The following ELK3 variants were observed in gnomAD, a reference collection of about 807,000 sequenced individuals.
ELK3 encodes ETS domain-containing protein Elk-3.
A neutral mutation model predicts 28.9 loss-of-function variants in ELK3; 10 were observed. That is an observed-to-expected ratio of 0.35 (90% CI 0.21 to 0.59). The LOEUF (loss-of-function observed/expected upper bound fraction) is 0.59. ELK3 is among the 20% of genes least tolerant of loss of function. The pLI is 0.82. For synonymous variants in ELK3, 272 were observed against 243.5 expected, an observed-to-expected ratio of 1.12 and a Z score of -1.09; for missense variants, 463 against 517.3, an observed-to-expected ratio of 0.90 and a Z score of 1.02.
intron 2 of ELK3, among the ~76,000 whole-genome samples, chr12:96,244,447 ATTTTTTTT>A (rs34067649): frequency 7.2e-6 from 1 of 139,608 alleles, no homozygotes; most frequent in East Asian, 2.0e-4. Flanking sequence ...GAAAATTAGA[ATTTTTTTT>A]TTTTTTTTTT....
At chr12:96,211,868 T>G (rs1340733714) in intron 1 of ELK3, among the ~76,000 whole-genome samples, 3 of 152,230 alleles carry the variant, frequency 2.0e-5, no homozygotes, top group Non-Finnish European at 2.9e-5. Flanking sequence ...TGAAACAGTC[T>G]TTAATTTTCA....
chr12:96,226,262 T>A (rs1951698792), intron 2 of ELK3, among the ~76,000 whole-genome samples: 1 of 152,200 alleles, frequency 6.6e-6, no homozygotes, highest in Admixed American at 6.5e-5. Context: ...ACTGCCCCTT[T>A]CTCTCTTGCC....
At chr12:96,260,747 T>A (rs2137043284) in intron 4 of ELK3, among the ~76,000 whole-genome samples, 1 of 152,320 alleles carries the variant, frequency 6.6e-6, no homozygotes, top group South Asian at 2.1e-4. Context: ...GTGGACCCAG[T>A]GCAAACTCCC....
rs1951870431 is a variant in ELK3, at chr12:96,247,766, C to T, written c.1002+32C>T. 2.0e-6 allele frequency: 3 copies of T among 1,484,220 alleles called. No individual in the cohort carries two copies. Among genetic ancestry groups the T allele is most frequent in the Non-Finnish European group, 2.7e-6 (3 of 1,120,086 alleles). The allele number at this position is 1,484,220 out of a possible 1,614,324, so 91.9% of individuals were successfully genotyped here. ...GTCATTCCTGTCATCTAAGCCACAG[C>T]CAGCTTCAGTGGCTTAGCAAAAAAG... is the stretch of plus-strand genomic sequence containing the variant. On this transcript the variant is annotated intron_variant, in intron 3 of 4. Transcript: ENST00000228741. The surrounding 1 kb of genome is among the most constrained non-coding windows in gnomAD (Gnocchi z 5.5).
At chr12:96,206,979 T>A (rs1700604365) in intron 1 of ELK3, among the ~76,000 whole-genome samples, 1 of 152,260 alleles carries the variant, frequency 6.6e-6, no homozygotes, top group Non-Finnish European at 1.5e-5. Context: ...TTTAAAAATC[T>A]ATTTGAAATA....
At chr12:96,209,562 AT>A (rs1247294978) in intron 1 of ELK3, among the ~76,000 whole-genome samples, 1 of 152,226 alleles carries the variant, frequency 6.6e-6, no homozygotes, top group Admixed American at 6.5e-5. Flanking sequence ...TATCAGAAAG[AT>A]TAGGGTTTCA....
chr12:96,259,621 G>A (rs1049264293), intron 3 of ELK3, 110 bp from the exon 4 acceptor site: 18 of 1,248,592 alleles, frequency 1.4e-5, no homozygotes, highest in Non-Finnish European at 1.8e-5. Context: ...AGATGGTAAG[G>A]TCGTTTCCTG....
chr12:96,196,747 G>GTTTT (rs56206854), intron 1 of ELK3, among the ~76,000 whole-genome samples: 2 of 137,244 alleles, frequency 1.5e-5, no homozygotes, highest in Non-Finnish European at 3.1e-5. Context: ...CTCTAAAAGT[G>GTTTT]TTTTTTTTTT....
At chr12:96,205,377 T>C (rs1312063915) in intron 1 of ELK3, among the ~76,000 whole-genome samples, 1 of 152,212 alleles carries the variant, frequency 6.6e-6, no homozygotes, top group Non-Finnish European at 1.5e-5. Flanking sequence ...CTAGAATTCG[T>C]GAGCACTGGG....
intron 1 of ELK3, among the ~76,000 whole-genome samples, chr12:96,210,189 C>T (rs1233078019): frequency 6.6e-6 from 1 of 152,154 alleles, no homozygotes; most frequent in African/African-American, 2.4e-5. Context: ...ATTTAAAGCT[C>T]AAACTGAAAG....
intron 1 of ELK3, among the ~76,000 whole-genome samples, chr12:96,209,111 C>T (rs759646113): frequency 2.0e-5 from 3 of 152,188 alleles, no homozygotes; most frequent in Non-Finnish European, 2.9e-5. Context: ...TGTGTGCACA[C>T]GTGCAAAACA....
intron 1 of ELK3, chr12:96,212,979 G>T (rs1330178001): frequency 6.6e-6 from 1 of 152,178 alleles, no homozygotes; most frequent in Non-Finnish European, 1.5e-5. Flanking sequence ...CAAAGAAATT[G>T]TGATTCATTA....
rs750966796 is a variant in ELK3, at chr12:96,247,340, C to T, written c.608C>T (p.Ser203Phe). 6.8e-6 allele frequency: 11 copies of T among 1,614,104 alleles called. No homozygotes were observed. Among genetic ancestry groups the T allele is most frequent in the East Asian group, 2.2e-5 (1 of 44,894 alleles). ...HVTRPVVSLP[S>F]TSEAAAASAF... Reference sequence around the variant, plus strand: ...ACCAGGCCGGTGGTGTCCCTGCCTTCCACGTCAGAGGCTGCGGCGGCGTCC... The same window carrying T: ...ACCAGGCCGGTGGTGTCCCTGCCTTTCACGTCAGAGGCTGCGGCGGCGTCC... The change falls in exon 3 of 5, where the codon TCC becomes TTC. Residue 203 changes from serine (S) to phenylalanine (F), a missense_variant. Ser to Phe is a radical substitution (Grantham distance 155, BLOSUM62 -2). Coordinates refer to ENST00000228741, the MANE Select transcript of ELK3 (RefSeq NM_005230.4). This position sits in a 1 kb window ranked among gnomAD's most constrained non-coding sequence, Gnocchi z 5.5.
intron 1 of ELK3, among the ~76,000 whole-genome samples, chr12:96,200,142 G>A (rs2136998200): frequency 6.6e-6 from 1 of 152,216 alleles, no homozygotes; most frequent in East Asian, 1.9e-4. Context: ...ATAGTAATTA[G>A]ATCGAGGTAA....
At chr12:96,240,939 C>G (rs1951816793) in intron 2 of ELK3, among the ~76,000 whole-genome samples, 4 of 152,218 alleles carry the variant, frequency 2.6e-5, no homozygotes, top group Admixed American at 1.3e-4. Flanking sequence ...CAGACACATG[C>G]AGCAAATATT....
chr12:96,247,344 G>A lies in ELK3; in HGVS notation c.612G>A (p.Thr204=), dbSNP rs201595118. The A allele has an allele frequency of 9.9e-6, 16 of 1,614,028 alleles. No individual in the cohort carries two copies. The highest frequency in any genetic ancestry group is 2.2e-5 in the East Asian group (1 of 44,896). ...GGCCGGTGGTGTCCCTGCCTTCCAC[G>A]TCAGAGGCTGCGGCGGCGTCCGCCT... ...VTRPVVSLPS[T]SEAAAASAFL... The change falls in exon 3 of 5, where the codon ACG becomes ACA. Residue 204 remains threonine (T), a synonymous_variant. Transcript: ENST00000228741. The surrounding 1 kb of genome is among the most constrained non-coding windows in gnomAD (Gnocchi z 5.5).
rs374752390 is a variant in ELK3 at position 96,257,505 on chromosome 12, T to C, written c.1003-2226T>C. On this transcript the variant is annotated intron_variant, in intron 3 of 4. Coordinates refer to ENST00000228741, the MANE Select transcript of ELK3 (RefSeq NM_005230.4). ...CCAGAGAAATAGAAATTCTAGACCT[T>C]GTACATTGCTTAGAGGATTAAAAAG... 8.5e-5 allele frequency among the ~76,000 whole-genome samples: 13 copies of C among 152,332 alleles called. No individual in the cohort carries two copies. In the East Asian group the frequency reaches 1.3e-3, roughly 16 times the overall value.
In ELK3 at chr12:96,269,400, T is replaced by A. The variant is rs1056201555; in HGVS notation, c.*2220T>A. On this transcript the variant is annotated 3_prime_UTR_variant, in exon 5 of 5. Coordinates refer to ENST00000228741, the MANE Select transcript of ELK3 (RefSeq NM_005230.4). Reference sequence around the variant, plus strand: ...TTGGAAATATTTAAATGACTATAGATCTGATTCTTTCTTTTCCTTTGGAAA... The same window carrying A: ...TTGGAAATATTTAAATGACTATAGAACTGATTCTTTCTTTTCCTTTGGAAA... 1 of 152,204 alleles carries A rather than the reference T, an allele frequency of 6.6e-6. No homozygotes were observed. The highest frequency in any genetic ancestry group is 1.9e-4 in the East Asian group (1 of 5,200). The allele number at this position is 152,204 out of a possible 1,614,324, so 9.4% of individuals were successfully genotyped here.
At position 96,223,578 on chromosome 12, in the gene ELK3, A is replaced by G. The variant is rs774249103; in HGVS notation, c.12A>G (p.Ala4=). MES[A]ITLWQFLLQL... is the part of the protein sequence containing the mutation. ...CTCTCCCTGCAGGTATGGAGAGTGC[A>G]ATCACGCTGTGGCAGTTCCTGTTGC... The change falls in exon 2 of 5, where the codon GCA becomes GCG. Residue 4 remains alanine (A), a synonymous_variant. Coordinates refer to ENST00000228741, the MANE Select transcript of ELK3 (RefSeq NM_005230.4). The G allele has an allele frequency of 2.5e-6, 4 of 1,614,018 alleles. No individual in the cohort carries two copies. Among genetic ancestry groups the G allele is most frequent in the Non-Finnish European group, 3.4e-6 (4 of 1,180,022 alleles).
Sources: allele counts gnomAD v4.1 joint callset (sites outside exome capture counted in the v4.1 genomes callset), GRCh38; gene constraint gnomAD v4.1.1; non-coding constraint Gnocchi (gnomAD v3.1); transcripts MANE v1.5; gene names NCBI Gene and HGNC (gene_info 2026-07-23, HGNC 2026-07-21).